The following SLIT1 variants were observed in gnomAD, a reference collection of about 807,000 sequenced individuals.
The protein encoded by SLIT1 is slit homolog 1 protein.
Under a neutral mutation model 186.1 loss-of-function variants are expected in SLIT1, and 66 were observed. The ratio of observed to expected loss-of-function variants is 0.35; its 90% confidence interval spans 0.29 to 0.44. The LOEUF is 0.44. SLIT1 is among the 20% of genes least tolerant of loss of function. The probability of loss-of-function intolerance (pLI) is 1.00; values close to 1 mark genes in which losing one functional copy is unlikely to be tolerated. For synonymous variants in SLIT1, 761 were observed against 833.8 expected (o/e 0.91, Z 1.50); for missense variants, 1,638 against 2,037.4 (o/e 0.80, Z 3.77).
At chr10:97,130,214 A>C (rs1306860243) in intron 4 of SLIT1, among the ~76,000 whole-genome samples, 2 of 152,228 alleles carry the variant, frequency 1.3e-5, no homozygotes, top group Non-Finnish European at 2.9e-5. Context: ...TGATTTCTCA[A>C]AAATTAAACA....
chr10:97,065,792 C>T lies in SLIT1; in HGVS notation c.485+223G>A, dbSNP rs115811735. Reference sequence around the variant, plus strand: ...TCACCAGGTCCCCAAGGGCCCCCTCCGTTGGCTCTCATATGGAATCACAAC... The same window carrying T: ...TCACCAGGTCCCCAAGGGCCCCCTCTGTTGGCTCTCATATGGAATCACAAC... On this transcript the variant is annotated intron_variant, in intron 5 of 36. Coordinates refer to ENST00000266058, the MANE Select transcript of SLIT1 (RefSeq NM_003061.3). 7.0e-3 allele frequency: 3,568 copies of T among 508,910 alleles called. 89 individuals are homozygous for T. The highest frequency in any genetic ancestry group is 0.058 in the African/African-American group (3,003 of 52,204). The allele number at this position is 508,910 out of a possible 1,614,324, so 31.5% of individuals were successfully genotyped here. A position where few individuals can be genotyped will look rare whatever the true frequency, so the allele number is the denominator to read the frequency against.
chr10:97,060,132 G>T lies in SLIT1; in HGVS notation c.968C>A (p.Ser323Tyr). 6.2e-7 allele frequency: 1 copy of T among 1,614,142 alleles called. No homozygotes were observed. The highest frequency in any genetic ancestry group is 8.5e-7 in the Non-Finnish European group (1 of 1,179,978). ...EIRLELNGIK[S>Y]IPPGAFSPYR... Reference sequence around the variant, plus strand: ...GGGTGAGAAGGCTCCAGGAGGGATGGACTTGATGCCGTTCAGCTCCAGGCG... The same window carrying T: ...GGGTGAGAAGGCTCCAGGAGGGATGTACTTGATGCCGTTCAGCTCCAGGCG... The change falls in exon 10 of 37, where the codon TCC becomes TAC. Residue 323 changes from serine to tyrosine, a missense_variant. Around this residue, in one of 3 missense-constraint regions of SLIT1, gnomAD observed 1,245 missense variants for 1,535.3 expected, o/e 0.81. Coordinates refer to ENST00000266058, the MANE Select transcript of SLIT1 (RefSeq NM_003061.3).
At chr10:97,169,949 G>A (rs969077913) in intron 1 of SLIT1, among the ~76,000 whole-genome samples, 11 of 152,222 alleles carry the variant, frequency 7.2e-5, no homozygotes, top group African/African-American at 2.7e-4. Flanking sequence ...TGTCTCCTAC[G>A]TCACAAGTCC....
In SLIT1 at chr10:97,060,592, G is replaced by A. The variant is rs749049082; in HGVS notation, c.941+48C>T. On this transcript the variant is annotated intron_variant, in intron 9 of 36. Coordinates refer to ENST00000266058, the MANE Select transcript of SLIT1 (RefSeq NM_003061.3). The stretch of plus-strand genomic sequence containing the variant: ...GCTCTTCACTGGCCCTCCAGAGCCA[G>A]GCCTGCCAAAGGGCTGTGCCCCAGC... 28 of 1,608,854 alleles carry A rather than the reference G, an allele frequency of 1.7e-5. No individual in the cohort carries two copies. The South Asian group carries it at 2.5e-4, about 15-fold the overall frequency.
At chr10:97,145,248 G>A (rs368675977) in intron 4 of SLIT1, among the ~76,000 whole-genome samples, 6 of 152,216 alleles carry the variant, frequency 3.9e-5, no homozygotes, top group African/African-American at 1.4e-4. Flanking sequence ...CTCCCAAGTA[G>A]CTAGGACTAC....
At chr10:97,150,110 G>C (rs1423303278) in intron 4 of SLIT1, among the ~76,000 whole-genome samples, 3 of 152,164 alleles carry the variant, frequency 2.0e-5, no homozygotes, top group African/African-American at 7.2e-5. Flanking sequence ...CCATCTCAAG[G>C]AGTCCCCAGA....
At chr10:97,053,056 T>C (rs757921923) in intron 13 of SLIT1, among the ~76,000 whole-genome samples, 1 of 152,212 alleles carries the variant, frequency 6.6e-6, no homozygotes, top group Non-Finnish European at 1.5e-5. Flanking sequence ...TACCGGATGT[T>C]CTGCAACATT....
intron 4 of SLIT1, among the ~76,000 whole-genome samples, chr10:97,120,745 C>T (rs1849553617): frequency 6.6e-6 from 1 of 152,142 alleles, no homozygotes; most frequent in African/African-American, 2.4e-5. Flanking sequence ...AGCAAGTGCT[C>T]AGTAAATATT....
chr10:97,055,483 T>C (rs545055171), intron 13 of SLIT1, among the ~76,000 whole-genome samples: 1 of 152,188 alleles, frequency 6.6e-6, no homozygotes, highest in African/African-American at 2.4e-5. Flanking sequence ...TACTTTAGCC[T>C]CCCAGGTAGC....
intron 1 of SLIT1, among the ~76,000 whole-genome samples, chr10:97,167,864 T>C (rs989366661): frequency 1.3e-5 from 2 of 152,214 alleles, no homozygotes; most frequent in African/African-American, 4.8e-5. Flanking sequence ...GCTCCCGCCA[T>C]GTGAAGAAGG....
At chr10:97,178,809 GTGTGTGATT>G (rs1337151772) in intron 1 of SLIT1, among the ~76,000 whole-genome samples, 1 of 151,908 alleles carries the variant, frequency 6.6e-6, no homozygotes, top group Non-Finnish European at 1.5e-5. Flanking sequence ...GTGTGTGTGT[GTGTGTGATT>G]ATGATAAAGC....
At position 97,043,380 on chromosome 10, in the gene SLIT1, G is replaced by C; in HGVS notation, c.1987C>G (p.Leu663Val). The C allele has an allele frequency of 6.2e-7, 1 of 1,613,614 alleles. No individual in the cohort carries two copies. Among genetic ancestry groups the C allele is most frequent in the South Asian group, 1.1e-5 (1 of 91,052 alleles). Residue 663 changes from leucine to valine, a missense_variant, in exon 19 of 37, where the codon CTC becomes GTC. Leu to Val is a conservative substitution (Grantham distance 32). Transcript: ENST00000266058. This position sits in a 1 kb window ranked among gnomAD's most constrained non-coding sequence, Gnocchi z 7.0. Reference protein sequence around the residue: ...SPGAFDTLQSLSTLNLLANPF... With the variant: ...SPGAFDTLQSVSTLNLLANPF... Reference sequence around the variant, plus strand: ...GGAGGCCGGACTCACAGTGTGGAGAGGGACTGGAGGGTGTCGAAGGCTCCT... The same window carrying C: ...GGAGGCCGGACTCACAGTGTGGAGACGGACTGGAGGGTGTCGAAGGCTCCT...
At chr10:97,099,680 T>C (rs973654666) in intron 4 of SLIT1, among the ~76,000 whole-genome samples, 2 of 152,052 alleles carry the variant, frequency 1.3e-5, no homozygotes, top group African/African-American at 4.8e-5. Flanking sequence ...TTCGAGTAAA[T>C]CCAGCTTGAT....
intron 4 of SLIT1, among the ~76,000 whole-genome samples, chr10:97,149,933 G>T (rs1159070610): frequency 6.6e-6 from 1 of 152,198 alleles, no homozygotes; most frequent in African/African-American, 2.4e-5. Context: ...TGTTAAATGG[G>T]CTGAATAGTC....
chr10:97,155,993 A>G (rs1849946121), intron 4 of SLIT1, among the ~76,000 whole-genome samples: 4 of 152,336 alleles, frequency 2.6e-5, no homozygotes, highest in African/African-American at 9.6e-5. Flanking sequence ...GGTTCAACAG[A>G]CATTACCACG....
chr10:97,082,278 C>T lies in SLIT1; in HGVS notation c.414-16192G>A, dbSNP rs890958303. On this transcript the variant is annotated intron_variant, in intron 4 of 36. Transcript: ENST00000266058. ...AAGACATGAATGATTGTGACTGGCT[C>T]TTGTGTGACACACGATTGTTATTAG... is the stretch of plus-strand genomic sequence containing the variant. Among the ~76,000 whole-genome samples the T allele has an allele frequency of 3.3e-5, 5 of 152,172 alleles. No individual in the cohort carries two copies. The South Asian group carries it at 8.3e-4, about 25-fold the overall frequency.
At chr10:97,034,446 C>G (rs766221074) in intron 23 of SLIT1, 25 bp downstream of exon 23, 1 of 1,595,104 alleles carries the variant, frequency 6.3e-7, no homozygotes, top group Non-Finnish European at 8.6e-7. Context: ...CCGGGGCCCC[C>G]CACCCCAGCC....
Position 97,004,200 on chromosome 10 carries a change from G to A in SLIT1, c.3733C>T (p.Gln1245Ter). Residue 1245 changes from glutamine to a stop codon, truncating the protein, a stop_gained, in exon 34 of 37, where the codon CAA becomes TAA. Transcript: ENST00000266058. LOFTEE classifies it high-confidence loss of function. The surrounding 1 kb of genome is among the most constrained non-coding windows in gnomAD (Gnocchi z 5.1). Reference protein sequence around the residue: ...IYSAETINDGQFHTVELVAFD... With the variant: ...IYSAETINDG ...GCAACCAGCTCAACGGTGTGGAATT[G>A]CCCATCGTTGATCGTCTCAGCACTG... 6.2e-7 allele frequency: 1 copy of A among 1,610,608 alleles called. No homozygotes were observed. The highest frequency in any genetic ancestry group is 8.5e-7 in the Non-Finnish European group (1 of 1,177,050).
chr10:97,015,784 T>C (rs1394591790), intron 28 of SLIT1, among the ~76,000 whole-genome samples: 2 of 152,178 alleles, frequency 1.3e-5, no homozygotes, highest in Non-Finnish European at 2.9e-5. Context: ...CAGAGGCTTA[T>C]GGTGATGAGA....
Sources: allele counts gnomAD v4.1 joint callset (sites outside exome capture counted in the v4.1 genomes callset), GRCh38; gene constraint gnomAD v4.1.1; regional missense constraint gnomAD v4.1.1; non-coding constraint Gnocchi (gnomAD v3.1); transcripts MANE v1.5; gene names NCBI Gene and HGNC (gene_info 2026-07-23, HGNC 2026-07-21).